SMC5: variants seen among roughly 807,000 people sequenced by gnomAD.
SMC5 encodes the protein structural maintenance of chromosomes 5, also known as structural maintenance of chromosomes protein 5.
A neutral mutation model predicts 148.3 loss-of-function variants in SMC5; 88 were observed. That is an observed-to-expected ratio of 0.59 (90% CI 0.50 to 0.71). The LOEUF (loss-of-function observed/expected upper bound fraction) is 0.71, where lower values mean the gene tolerates loss of function less well. SMC5 is among the 30% of genes least tolerant of loss of function. The pLI, the probability that SMC5 is intolerant of heterozygous loss-of-function variation, is 0.00. For missense variants in SMC5, 1,142 were observed against 1,298.9 expected (o/e 0.88, Z 1.86); for synonymous variants, 421 against 432.8 (o/e 0.97, Z 0.34).
At chr9:70,300,652 T>C (rs1375789242) in intron 10 of SMC5, among the ~76,000 whole-genome samples, 1 of 152,150 alleles carries the variant, frequency 6.6e-6, no homozygotes, top group Non-Finnish European at 1.5e-5. Flanking sequence ...CAATACCTTA[T>C]TGACATCATA....
intron 9 of SMC5, among the ~76,000 whole-genome samples, chr9:70,298,971 C>A (rs2035283845): frequency 6.6e-6 from 1 of 151,476 alleles, no homozygotes; most frequent in Non-Finnish European, 1.5e-5. Context: ...ATTATAAATT[C>A]TTCAAATGGG....
intron 15 of SMC5, among the ~76,000 whole-genome samples, chr9:70,321,504 C>G (rs573693144): frequency 6.6e-6 from 1 of 151,318 alleles, no homozygotes; most frequent in Non-Finnish European, 1.5e-5. Flanking sequence ...GCAATCCTCA[C>G]GCCTCAGCCT....
intron 22 of SMC5, among the ~76,000 whole-genome samples, chr9:70,348,884 C>T (rs752424776): frequency 6.6e-6 from 1 of 152,018 alleles, no homozygotes; most frequent in Non-Finnish European, 1.5e-5. Context: ...CACTTGAATT[C>T]AGGAGTTTGA....
chr9:70,339,225 C>T (rs535812635), intron 17 of SMC5, among the ~76,000 whole-genome samples: 9 of 152,104 alleles, frequency 5.9e-5, no homozygotes, highest in East Asian at 5.8e-4. Context: ...GTCGGGAGAT[C>T]GAGACCATCC....
chr9:70,264,243 G>A (rs1379888960), intron 1 of SMC5, 61 bp from the exon 2 acceptor site: 10 of 1,493,084 alleles, frequency 6.7e-6, no homozygotes, highest in Non-Finnish European at 9.1e-6. Flanking sequence ...CATAGATAAT[G>A]TAAAGCAAGG....
Position 70,276,465 on chromosome 9 carries a change from C to T in SMC5, c.381-845C>T, listed in dbSNP as rs142735732. On this transcript the variant is annotated intron_variant, in intron 3 of 24. Transcript: ENST00000361138. ...TTTTATTATTTTTAGTTGTTTACAG[C>T]AGGAGGATCAGTAAGGGTACTTTAT... Among the ~76,000 whole-genome samples the T allele has an allele frequency of 3.3e-5, 5 of 152,234 alleles. No homozygotes were observed. The East Asian group carries it at 9.7e-4, about 29-fold the overall frequency.
chr9:70,278,291 T>G (rs1297218621), intron 4 of SMC5, among the ~76,000 whole-genome samples, 200 bp from the exon 5 acceptor site: 1 of 152,080 alleles, frequency 6.6e-6, no homozygotes, highest in Non-Finnish European at 1.5e-5. Flanking sequence ...CACAGAAAAT[T>G]TTTAAAGATG....
rs1238547575 is a variant in SMC5, at chr9:70,316,059, T to G, written c.1806+481T>G. ...GATTATCTCAGATATGAATGACCAC[T>G]TCTCATAGGATTTGTTTGGCTAGTA... On this transcript the variant is annotated intron_variant, in intron 13 of 24. Coordinates refer to ENST00000361138, the MANE Select transcript of SMC5 (RefSeq NM_015110.4). Among the ~76,000 whole-genome samples, 3 of 152,100 alleles carry G rather than the reference T, an allele frequency of 2.0e-5. No individual in the cohort carries two copies. The East Asian group carries it at 5.8e-4, about 29-fold the overall frequency.
Position 70,259,151 on chromosome 9 carries a change from T to G in SMC5, c.73T>G (p.Ser25Ala), listed in dbSNP as rs750467996. ...CAAGAGAGCTCTCCCGAGAGACCCT[T>G]CGTCGGAGGTCCCGAGCAAGAGGAA... ...PSKRALPRDP[S>A]SEVPSKRKNS... Residue 25 changes from serine to alanine, a missense_variant, in exon 1 of 25, where the codon TCG becomes GCG. Coordinates refer to ENST00000361138, the MANE Select transcript of SMC5 (RefSeq NM_015110.4). The G allele has an allele frequency of 1.9e-6, 3 of 1,612,504 alleles. No individual in the cohort carries two copies. The highest frequency in any genetic ancestry group is 2.5e-6 in the Non-Finnish European group (3 of 1,179,314).
chr9:70,313,739 A>T (rs1461317710), intron 11 of SMC5, among the ~76,000 whole-genome samples: 1 of 152,046 alleles, frequency 6.6e-6, no homozygotes, highest in Non-Finnish European at 1.5e-5. Flanking sequence ...ACCTCAGTTG[A>T]TCCGCCCGTC....
In SMC5 at chr9:70,347,049, G is replaced by A. The variant is rs1013163390; in HGVS notation, c.2569-17G>A. On this transcript the variant is annotated splice_polypyrimidine_tract_variant and intron_variant, in intron 19 of 24. Transcript: ENST00000361138. ...TGTTTTCATTGTATCTATAATGACG[G>A]GCAATTTTTTTCTTAGGTTTTCCAA... 1 of 1,591,932 alleles carries A rather than the reference G, an allele frequency of 6.3e-7. No individual in the cohort carries two copies. The highest frequency in any genetic ancestry group is 1.3e-5 in the African/African-American group (1 of 74,234).
At chr9:70,340,444 C>T (rs1380503593) in intron 17 of SMC5, among the ~76,000 whole-genome samples, 1 of 151,984 alleles carries the variant, frequency 6.6e-6, no homozygotes, top group Non-Finnish European at 1.5e-5. Context: ...TCTAGCATTA[C>T]ATTAAAATTT....
chr9:70,314,536 A>G (rs982370605), intron 11 of SMC5, among the ~76,000 whole-genome samples: 2 of 151,764 alleles, frequency 1.3e-5, no homozygotes, highest in African/African-American at 4.8e-5. Flanking sequence ...TTTGGTATGT[A>G]TCTCTAAAAG....
chr9:70,317,417 CT>C (rs2035831253), intron 13 of SMC5, among the ~76,000 whole-genome samples: 1 of 152,186 alleles, frequency 6.6e-6, no homozygotes, highest in African/African-American at 2.4e-5. Context: ...TTCCTTCACT[CT>C]GTCAGTTCAA....
chr9:70,300,169 A>G lies in SMC5; in HGVS notation c.1433A>G (p.Lys478Arg), dbSNP rs771807400. The G allele has an allele frequency of 6.2e-6, 10 of 1,600,446 alleles. No homozygotes were observed. In the South Asian group the frequency reaches 9.1e-5, roughly 15 times the overall value. ...LWLRNNRDKF[K>R]QRVCEPIMLT... ...CTAAGAAATAACAGAGACAAATTTAAACAAAGAGTCTGTGAGCCCATAATG... is the reference window on the plus strand; with the variant it reads ...CTAAGAAATAACAGAGACAAATTTAGACAAAGAGTCTGTGAGCCCATAATG... Residue 478 changes from lysine to arginine, a missense_variant, in exon 10 of 25, where the codon AAA (lysine) becomes AGA (arginine). Physicochemically the swap from Lys to Arg is conservative, Grantham distance 26. Transcript: ENST00000361138.
chr9:70,333,745 A>C (rs2036285262), intron 17 of SMC5, among the ~76,000 whole-genome samples: 1 of 152,148 alleles, frequency 6.6e-6, no homozygotes, highest in Admixed American at 6.5e-5. Flanking sequence ...AAAGAAAGGA[A>C]AAAAATACTA....
chr9:70,344,117 A>C, intron 17 of SMC5, 27 bp from the exon 18 acceptor site: 1 of 1,409,070 alleles, frequency 7.1e-7, no homozygotes, highest in Non-Finnish European at 9.5e-7. Context: ...TTAACATTCA[A>C]ATTTTCAAAA....
intron 8 of SMC5, among the ~76,000 whole-genome samples, chr9:70,296,552 C>CA (rs112744853): frequency 0.11 from 12,207 of 112,556 alleles, 617 homozygotes; most frequent in African/African-American, 0.19. Context: ...GACTCTGTCT[C>CA]AAAAAAAAAA....
intron 11 of SMC5, among the ~76,000 whole-genome samples, chr9:70,306,396 T>C (rs895481721): frequency 1.3e-5 from 2 of 152,098 alleles, no homozygotes; most frequent in African/African-American, 4.8e-5. Flanking sequence ...GGTTTGGGAG[T>C]TGGCAAGGTA....
Sources: gnomAD v4.1 joint callset for allele counts (sites outside exome capture counted in the v4.1 genomes callset) on GRCh38, gnomAD v4.1.1 for gene constraint, MANE v1.5 for transcripts, NCBI Gene and HGNC (gene_info 2026-07-23, HGNC 2026-07-21) for gene names.